C18orf63: variants seen among roughly 807,000 people sequenced by gnomAD.
C18orf63 encodes uncharacterized protein C18orf63.
A neutral mutation model predicts 75.3 loss-of-function variants in C18orf63; 50 were observed. The observed-to-expected ratio is 0.66, with a 90% CI of 0.53 to 0.84. The LOEUF (loss-of-function observed/expected upper bound fraction) is 0.84, where lower values mean the gene tolerates loss of function less well. C18orf63 is among the 40% of genes least tolerant of loss of function. The pLI, the probability that C18orf63 is intolerant of heterozygous loss-of-function variation, is 0.00. For missense variants in C18orf63, 732 were observed against 800.2 expected (o/e 0.91, Z 1.03); for synonymous variants, 232 against 267.6 (o/e 0.87, Z 1.30).
intron 11 of C18orf63, among the ~76,000 whole-genome samples, chr18:74,346,844 CT>C (rs1469663251): frequency 1.3e-5 from 2 of 152,172 alleles, no homozygotes; most frequent in African/African-American, 4.8e-5. Flanking sequence ...TGCATGCCAG[CT>C]GCTTTTATGT....
At chr18:74,341,114 A>AG (rs1263572906) in intron 8 of C18orf63, among the ~76,000 whole-genome samples, 2 of 151,278 alleles carry the variant, frequency 1.3e-5, no homozygotes, top group Non-Finnish European at 2.9e-5. Flanking sequence ...AATACAAAAA[A>AG]TTAGCCGGGC....
chr18:74,332,678 C>A (rs980278698), intron 7 of C18orf63, among the ~76,000 whole-genome samples: 2 of 150,960 alleles, frequency 1.3e-5, no homozygotes, highest in Non-Finnish European at 2.9e-5. Flanking sequence ...CACTGCACTC[C>A]AGTCTGGGCT....
chr18:74,339,752 T>G (rs1984448992), intron 8 of C18orf63, among the ~76,000 whole-genome samples: 1 of 151,950 alleles, frequency 6.6e-6, no homozygotes, highest in African/African-American at 2.4e-5. Context: ...CCCTAAAGAC[T>G]CCACAAAAAA....
At chr18:74,329,146 T>G (rs1599002702) in intron 6 of C18orf63, 110 bp downstream of exon 6, 36 of 665,832 alleles carry the variant, frequency 5.4e-5, no homozygotes, top group Non-Finnish European at 8.6e-5. Context: ...CCCAACGGTT[T>G]GGGAGGCCAA....
chr18:74,324,689 A>G (rs1984179726), intron 4 of C18orf63, among the ~76,000 whole-genome samples: 1 of 152,218 alleles, frequency 6.6e-6, no homozygotes, highest in African/African-American at 2.4e-5. Context: ...GTCCTTATAC[A>G]ATAATAAAAA....
chr18:74,355,772 T>A (rs1984754306), intron 13 of C18orf63, among the ~76,000 whole-genome samples: 2 of 152,026 alleles, frequency 1.3e-5, no homozygotes, highest in Admixed American at 1.3e-4. Context: ...GTACAAAAAA[T>A]TAGCTGGACG....
At position 74,356,858 on chromosome 18, in the gene C18orf63, C is replaced by T. The variant is rs935805452; in HGVS notation, c.*411C>T. ...CTAAGTACCTATCACCCAGATCTAC[C>T]AGTTATTAATATTTTGCCACTGTTT... On this transcript the variant is annotated 3_prime_UTR_variant, in exon 14 of 14. Coordinates refer to ENST00000579455, the MANE Select transcript of C18orf63 (RefSeq NM_001174123.2). 6 of 152,050 alleles carry T rather than the reference C, an allele frequency of 3.9e-5. No homozygotes were observed. Among genetic ancestry groups the T allele is most frequent in the African/African-American group, 1.4e-4 (6 of 41,394 alleles). The allele number at this position is 152,050 out of a possible 1,614,324, so 9.4% of individuals were successfully genotyped here. A position where few individuals can be genotyped will look rare whatever the true frequency, so the allele number is the denominator to read the frequency against.
chr18:74,324,758 C>T (rs1452764072), intron 4 of C18orf63, among the ~76,000 whole-genome samples: 1 of 152,190 alleles, frequency 6.6e-6, no homozygotes, highest in East Asian at 1.9e-4. Flanking sequence ...TTCATCAGTA[C>T]AAGCTGTCAT....
chr18:74,333,960 T>C (rs1174511711), intron 7 of C18orf63, among the ~76,000 whole-genome samples: 1 of 152,180 alleles, frequency 6.6e-6, no homozygotes, highest in Non-Finnish European at 1.5e-5. Context: ...TTACTTATGT[T>C]TTTGATATGA....
intron 11 of C18orf63, among the ~76,000 whole-genome samples, chr18:74,349,819 T>A (rs1341318938): frequency 1.3e-5 from 2 of 152,126 alleles, no homozygotes; most frequent in Non-Finnish European, 2.9e-5. Flanking sequence ...TAACTGAAAA[T>A]CAAAGGCATT....
intron 7 of C18orf63, among the ~76,000 whole-genome samples, chr18:74,334,844 T>C (rs775329695): frequency 6.6e-6 from 1 of 152,188 alleles, no homozygotes; most frequent in Non-Finnish European, 1.5e-5. Context: ...ATCTTACTTA[T>C]AGCCTCATCT....
intron 11 of C18orf63, among the ~76,000 whole-genome samples, 173 bp downstream of exon 11, chr18:74,343,875 GTTATTA>G (rs200566949): frequency 0.012 from 1,879 of 152,066 alleles, 29 homozygotes; most frequent in African/African-American, 0.042. Context: ...TTAGTCATTT[GTTATTA>G]TTATTATATT....
intron 7 of C18orf63, among the ~76,000 whole-genome samples, chr18:74,332,066 AAC>A: frequency 6.6e-6 from 1 of 152,204 alleles, no homozygotes; most frequent in East Asian, 1.9e-4. Flanking sequence ...CCCTCATTTA[AAC>A]CCTCATACTC....
intron 11 of C18orf63, among the ~76,000 whole-genome samples, chr18:74,344,654 C>A (rs567586012): frequency 6.6e-6 from 1 of 152,180 alleles, no homozygotes; most frequent in South Asian, 2.1e-4. Flanking sequence ...TTTTGAACTT[C>A]ATGTAAAATA....
At chr18:74,352,850 C>T (rs2145132972) in intron 11 of C18orf63, among the ~76,000 whole-genome samples, 2 of 152,268 alleles carry the variant, frequency 1.3e-5, no homozygotes, top group South Asian at 4.1e-4. Flanking sequence ...GACAGAAAAA[C>T]AGTCGCTCTG....
chr18:74,348,892 T>C (rs940438394), intron 11 of C18orf63, among the ~76,000 whole-genome samples: 1 of 152,150 alleles, frequency 6.6e-6, no homozygotes, highest in African/African-American at 2.4e-5. Flanking sequence ...AAATAATATA[T>C]TGACAGTCTA....
intron 11 of C18orf63, among the ~76,000 whole-genome samples, chr18:74,347,849 C>G (rs1000504711): frequency 1.3e-5 from 2 of 152,100 alleles, no homozygotes; most frequent in Non-Finnish European, 2.9e-5. Flanking sequence ...GTATAATCAC[C>G]TCTCATGTGC....
At chr18:74,335,599 A>G (rs1485029368) in intron 7 of C18orf63, among the ~76,000 whole-genome samples, 3 of 152,148 alleles carry the variant, frequency 2.0e-5, no homozygotes, top group Non-Finnish European at 2.9e-5. Flanking sequence ...TGAGGGATAT[A>G]TTTCAGAAAA....
intron 6 of C18orf63, among the ~76,000 whole-genome samples, chr18:74,330,362 TG>T (rs1423819679): frequency 6.6e-6 from 1 of 152,120 alleles, no homozygotes; most frequent in East Asian, 1.9e-4. Context: ...ACCACTATCC[TG>T]ACATTTCAGA....
Sources: gnomAD v4.1 joint callset for allele counts (sites outside exome capture counted in the v4.1 genomes callset) on GRCh38, gnomAD v4.1.1 for gene constraint, MANE v1.5 for transcripts, NCBI Gene and HGNC (gene_info 2026-07-23, HGNC 2026-07-21) for gene names.